Variants in SGPP2 observed in about 807,000 individuals in gnomAD.
The protein encoded by SGPP2 is sphingosine-1-phosphate phosphatase 2.
SGPP2 carries 30 observed loss-of-function variants against 33.9 expected under a neutral mutation model. The ratio of observed to expected loss-of-function variants is 0.89; its 90% CI spans 0.66 to 1.20. The LOEUF (loss-of-function observed/expected upper bound fraction) is 1.20. Ranked by LOEUF, SGPP2 falls within the 50% of genes most tolerant of loss-of-function variation. The pLI is 0.00. For missense variants in SGPP2, 458 were observed against 532.1 expected (o/e 0.86, Z 1.37); for synonymous variants, 233 against 225.0 (o/e 1.04, Z -0.32).
chr2:222,445,230 T>C (rs978232414), intron 1 of SGPP2, among the ~76,000 whole-genome samples: 2 of 152,216 alleles, frequency 1.3e-5, no homozygotes, highest in East Asian at 1.9e-4. Flanking sequence ...CCAGGACTTG[T>C]TGGACCAAAC....
At chr2:222,523,288 G>T (rs890351264) in intron 3 of SGPP2, among the ~76,000 whole-genome samples, 3 of 152,306 alleles carry the variant, frequency 2.0e-5, no homozygotes, top group Middle Eastern at 3.4e-3. Context: ...TCATGCCGGG[G>T]TCAAACAATG....
chr2:222,474,473 G>A lies in SGPP2; in HGVS notation c.220-95G>A, dbSNP rs112913347. 3.9e-4 allele frequency: 422 copies of A among 1,093,468 alleles called. 5 individuals carry two copies. The highest frequency in any genetic ancestry group is 3.2e-3 in the African/African-American group (203 of 64,028). The allele number at this position is 1,093,468 out of a possible 1,614,324, so 67.7% of individuals were successfully genotyped here. A position where few individuals can be genotyped will look rare whatever the true frequency, so the allele number is the denominator to read the frequency against. ...ATAACATAATGGGAGAGGAGACAGC[G>A]TCTTGGCAATTGAGACCTGTGAGTT... On this transcript the variant is annotated intron_variant, in intron 1 of 4. Coordinates refer to ENST00000321276, the MANE Select transcript of SGPP2 (RefSeq NM_152386.4).
chr2:222,444,301 A>G (rs1189399751), intron 1 of SGPP2, among the ~76,000 whole-genome samples: 1 of 152,192 alleles, frequency 6.6e-6, no homozygotes, highest in Non-Finnish European at 1.5e-5. Context: ...ATTGTTTTCC[A>G]GGATTTGCGT....
chr2:222,562,129 T>C lies in SGPP2; in HGVS notation c.*3231T>C, dbSNP rs1689553796. 6.6e-6 allele frequency among the ~76,000 whole-genome samples: 1 copy of C among 152,150 alleles called. No individual in the cohort carries two copies. Among genetic ancestry groups the C allele is most frequent in the South Asian group, 2.1e-4 (1 of 4,830 alleles). The stretch of plus-strand genomic sequence containing the variant: ...AAGCCTATGGTCTGGCCAACCTTGC[T>C]TTTGGGAACTGTGACACCAAAGCCC... On this transcript the variant is annotated 3_prime_UTR_variant, in exon 5 of 5. Coordinates refer to ENST00000321276, the MANE Select transcript of SGPP2 (RefSeq NM_152386.4).
chr2:222,495,795 G>A (rs1475144230), intron 2 of SGPP2, among the ~76,000 whole-genome samples: 1 of 152,132 alleles, frequency 6.6e-6, no homozygotes, highest in African/African-American at 2.4e-5. Context: ...TGGTCAGTCT[G>A]TACAAAATAC....
chr2:222,517,219 T>G (rs1167090224), intron 2 of SGPP2, among the ~76,000 whole-genome samples: 2 of 152,212 alleles, frequency 1.3e-5, no homozygotes, highest in Admixed American at 6.5e-5. Flanking sequence ...GGAAACCCAC[T>G]GCCCTAAATA....
At chr2:222,546,825 C>CAAAA (rs5838955) in intron 4 of SGPP2, among the ~76,000 whole-genome samples, 4 of 116,642 alleles carry the variant, frequency 3.4e-5, no homozygotes, top group East Asian at 2.9e-4. Context: ...ACACATGTTG[C>CAAAA]AAAAAAAAAA....
chr2:222,483,585 T>C (rs1303480777), intron 2 of SGPP2, among the ~76,000 whole-genome samples: 1 of 152,248 alleles, frequency 6.6e-6, no homozygotes, highest in Non-Finnish European at 1.5e-5. Context: ...TATTATTTTA[T>C]GCAACAGTCA....
chr2:222,523,388 G>A (rs1559169235), intron 3 of SGPP2, among the ~76,000 whole-genome samples: 1 of 152,154 alleles, frequency 6.6e-6, no homozygotes, highest in African/African-American at 2.4e-5. Context: ...GGACGTAGTG[G>A]GCCAAGCACC....
chr2:222,467,262 A>T lies in SGPP2; in HGVS notation c.220-7306A>T, dbSNP rs116207211. Among the ~76,000 whole-genome samples, 750 of 151,224 alleles carry T rather than the reference A, an allele frequency of 5.0e-3. 3 individuals are homozygous for T. Among genetic ancestry groups the T allele is most frequent in the African/African-American group, 0.017 (711 of 41,448 alleles). ...TTAACAAGATGCCCAGGTCATTCGG[A>T]TGCATATTACAATTGAGAAGTTCTT... On this transcript the variant is annotated intron_variant, in intron 1 of 4. Coordinates refer to ENST00000321276, the MANE Select transcript of SGPP2 (RefSeq NM_152386.4).
In SGPP2 at chr2:222,451,196, A is replaced by T. The variant is rs186954365; in HGVS notation, c.220-23372A>T. ...TTAACCAAACAAAACTCCCCACTAAAACCAAACTTTCCAGAAACAATTTTC... is the reference window on the plus strand; with the variant it reads ...TTAACCAAACAAAACTCCCCACTAATACCAAACTTTCCAGAAACAATTTTC... On this transcript the variant is annotated intron_variant, in intron 1 of 4. Coordinates refer to ENST00000321276, the MANE Select transcript of SGPP2 (RefSeq NM_152386.4). 3.1e-3 allele frequency among the ~76,000 whole-genome samples: 468 copies of T among 152,214 alleles called. 2 individuals are homozygous for T. The highest frequency in any genetic ancestry group is 0.011 in the African/African-American group (452 of 41,536).
intron 2 of SGPP2, among the ~76,000 whole-genome samples, chr2:222,475,203 G>T (rs764413494): frequency 6.6e-6 from 1 of 152,144 alleles, no homozygotes; most frequent in African/African-American, 2.4e-5. Flanking sequence ...CCAAGTAGCT[G>T]GGACTACAGA....
In SGPP2 at chr2:222,476,497, CAT is replaced by C. The variant is rs1001111842; in HGVS notation, c.378+1773_378+1774del. On this transcript the variant is annotated intron_variant, in intron 2 of 4. Transcript: ENST00000321276. The surrounding 1 kb of genome is among the most constrained non-coding windows in gnomAD (Gnocchi z 4.3). Reference sequence around the variant, plus strand: ...GCAAAAGCATAGGCATCTTGCAAATCATAAAGAGAACGTTAGTCCAGTTGTCC... The same window carrying C: ...GCAAAAGCATAGGCATCTTGCAAATCAAAGAGAACGTTAGTCCAGTTGTCC... Among the ~76,000 whole-genome samples the C allele has an allele frequency of 6.6e-6, 1 of 152,092 alleles. No individual in the cohort carries two copies. Among genetic ancestry groups the C allele is most frequent in the Non-Finnish European group, 1.5e-5 (1 of 68,032 alleles).
chr2:222,451,996 T>A (rs1697497364), intron 1 of SGPP2, among the ~76,000 whole-genome samples: 1 of 151,632 alleles, frequency 6.6e-6, no homozygotes, highest in African/African-American at 2.4e-5. Flanking sequence ...GCAACATGGA[T>A]TTGAACTGTT....
intron 4 of SGPP2, among the ~76,000 whole-genome samples, chr2:222,555,297 A>G (rs373160820): frequency 5.1e-4 from 78 of 152,300 alleles, no homozygotes; most frequent in African/African-American, 1.1e-3. Flanking sequence ...AAACTGCTAT[A>G]AGCATGCATG....
intron 4 of SGPP2, among the ~76,000 whole-genome samples, chr2:222,551,707 A>G (rs995572768): frequency 2.6e-5 from 4 of 152,232 alleles, no homozygotes; most frequent in African/African-American, 9.6e-5. Context: ...TATGAACCAA[A>G]ATAGTCTAGT....
chr2:222,437,102 C>T (rs1462843836), intron 1 of SGPP2, among the ~76,000 whole-genome samples: 1 of 152,316 alleles, frequency 6.6e-6, no homozygotes, highest in East Asian at 1.9e-4. Context: ...GCTGAGGCCA[C>T]CCATTGGTGA....
chr2:222,427,536 G>T (rs552085535), intron 1 of SGPP2, among the ~76,000 whole-genome samples: 1 of 152,144 alleles, frequency 6.6e-6, no homozygotes, highest in South Asian at 2.1e-4. Context: ...CCTCAGCCTT[G>T]CAAAGTGCTG....
At chr2:222,450,925 T>A (rs371171079) in intron 1 of SGPP2, among the ~76,000 whole-genome samples, 2 of 152,236 alleles carry the variant, frequency 1.3e-5, no homozygotes, top group East Asian at 3.8e-4. Flanking sequence ...TCTTTTTATT[T>A]TCTGCATCTT....
Sources: gnomAD v4.1 joint callset for allele counts (sites outside exome capture counted in the v4.1 genomes callset) on GRCh38, gnomAD v4.1.1 for gene constraint, Gnocchi (gnomAD v3.1) non-coding constraint, MANE v1.5 for transcripts, NCBI Gene and HGNC (gene_info 2026-07-23, HGNC 2026-07-21) for gene names.